The following TACC3 variants were observed in gnomAD, a reference collection of about 807,000 sequenced individuals.
TACC3 encodes the protein transforming acidic coiled-coil containing protein 3.
TACC3 carries 52 observed loss-of-function variants against 86.0 expected under a neutral mutation model. The ratio of observed to expected loss-of-function variants is 0.60; its 90% confidence interval spans 0.48 to 0.76. The LOEUF (loss-of-function observed/expected upper bound fraction) is 0.76, where lower values mean the gene tolerates loss of function less well. Ranked by LOEUF, TACC3 falls within the 30% of genes least tolerant of loss-of-function variation. The pLI, the probability that TACC3 is intolerant of heterozygous loss-of-function variation, is 0.00. For missense variants in TACC3, 1,120 were observed against 1,070.4 expected, an observed-to-expected ratio of 1.05 and a Z score of -0.65; for synonymous variants, 512 against 430.0, an observed-to-expected ratio of 1.19 and a Z score of -2.36.
chr4:1,744,869 C>T, intron 15 of TACC3, 37 bp downstream of exon 15: 1 of 1,612,660 alleles, frequency 6.2e-7, no homozygotes, highest in Non-Finnish European at 8.5e-7. Flanking sequence ...GGCCGTCTGG[C>T]AGCACCTTCT....
upstream of TACC3, chr4:1,720,806 G>A: frequency 6.3e-7 from 1 of 1,594,862 alleles, no homozygotes; most frequent in Non-Finnish European, 8.5e-7. This position sits in a 1 kb window ranked among gnomAD's most constrained non-coding sequence, Gnocchi z 4.4. Context: ...CACCAGATAG[G>A]CGAGAGTGAA....
rs1718241794 is a variant in TACC3 at position 1,735,938 on chromosome 4, G to A, written c.1748+104G>A. The A allele has an allele frequency of 2.4e-6, 2 of 830,778 alleles. No individual in the cohort carries two copies. The highest frequency in any genetic ancestry group is 3.8e-6 in the Non-Finnish European group (2 of 532,220). 51.5% of individuals were successfully genotyped at this position (830,778 alleles called of 1,614,324 possible). A position where few individuals can be genotyped will look rare whatever the true frequency, so the allele number is the denominator to read the frequency against. The stretch of plus-strand genomic sequence containing the variant: ...CACAGAGGCTTCTAGACCGGGGGGA[G>A]ATGATCAGAACTGGAAAGGAGCTGT... On this transcript the variant is annotated intron_variant, in intron 8 of 15. Coordinates refer to ENST00000313288, the MANE Select transcript of TACC3 (RefSeq NM_006342.3). The surrounding 1 kb of genome is among the most constrained non-coding windows in gnomAD (Gnocchi z 4.2).
chr4:1,737,311 G>A lies in TACC3; in HGVS notation c.1819G>A (p.Gly607Arg). 1 of 1,614,106 alleles carries A rather than the reference G, an allele frequency of 6.2e-7. No individual in the cohort carries two copies. Among genetic ancestry groups the A allele is most frequent in the Non-Finnish European group, 8.5e-7 (1 of 1,179,994 alleles). ...EAKLVEFDFL[G>R]ALDIPVPGPP... ...CAAGCTTGTGGAGTTCGATTTCTTGGGAGCACTGGACATTCCTGTAAGTCC... is the reference window on the plus strand; with the variant it reads ...CAAGCTTGTGGAGTTCGATTTCTTGAGAGCACTGGACATTCCTGTAAGTCC... The change falls in exon 9 of 16, where the codon GGA (glycine) becomes AGA (arginine). Residue 607 changes from glycine to arginine, a missense_variant. Gly to Arg is a moderately radical substitution (Grantham distance 125, BLOSUM62 -2). Coordinates refer to ENST00000313288, the MANE Select transcript of TACC3 (RefSeq NM_006342.3).
chr4:1,731,342 A>C, intron 6 of TACC3, 41 bp downstream of exon 6: 1 of 1,599,668 alleles, frequency 6.3e-7, no homozygotes, highest in Non-Finnish European at 8.5e-7. Context: ...GTCTGCCCGG[A>C]GGGGATCCCG....
chr4:1,728,068 A>G lies in TACC3; in HGVS notation c.666A>G (p.Glu222=), dbSNP rs200539908. 6.5e-7 allele frequency: 1 copy of G among 1,542,482 alleles called. No individual in the cohort carries two copies. The highest frequency in any genetic ancestry group is 1.3e-5 in the South Asian group (1 of 79,040). Reference sequence around the variant, plus strand: ...CGGAGACTCCGCACGGAGCCGAGGAAGAATGCAAAGCGGAGACTCCGCACG... The same window carrying G: ...CGGAGACTCCGCACGGAGCCGAGGAGGAATGCAAAGCGGAGACTCCGCACG... ...HKAETPHGAE[E]ECKAETPHGA... The change falls in exon 4 of 16, where the codon GAA becomes GAG. Residue 222 remains glutamate, a synonymous_variant. Coordinates refer to ENST00000313288, the MANE Select transcript of TACC3 (RefSeq NM_006342.3).
chr4:1,740,415 T>TGCTA, intron 12 of TACC3: 1 of 347,798 alleles, frequency 2.9e-6, no homozygotes, highest in South Asian at 3.8e-5. Context: ...CTCCTGGAGG[T>TGCTA]GCTACTGTGG....
rs373197822 is a variant in TACC3, at chr4:1,725,305, AC to A, written c.305+1440del. Among the ~76,000 whole-genome samples, 745 of 152,114 alleles carry A rather than the reference AC, an allele frequency of 4.9e-3. 6 individuals are homozygous for A. The highest frequency in any genetic ancestry group is 0.016 in the African/African-American group (684 of 41,496). ...GAACAGAATACCACTGATGCTTCTC[AC>A]CCCCTGAGATAAAATGTCACCAGTA... is the stretch of plus-strand genomic sequence containing the variant. On this transcript the variant is annotated intron_variant, in intron 3 of 15. Coordinates refer to ENST00000313288, the MANE Select transcript of TACC3 (RefSeq NM_006342.3).
intron 6 of TACC3, among the ~76,000 whole-genome samples, chr4:1,732,203 T>C (rs2108696855): frequency 6.6e-6 from 1 of 151,944 alleles, no homozygotes; most frequent in East Asian, 1.9e-4. Flanking sequence ...GATTGGAGGC[T>C]GCAGTTAAAT....
At position 1,735,982 on chromosome 4, in the gene TACC3, A is replaced by C. The variant is rs1255799085; in HGVS notation, c.1748+148A>C. The C allele has an allele frequency of 6.3e-6, 4 of 637,126 alleles. No homozygotes were observed. Among genetic ancestry groups the C allele is most frequent in the Non-Finnish European group, 1.1e-5 (4 of 374,180 alleles). The allele number at this position is 637,126 out of a possible 1,614,324, so 39.5% of individuals were successfully genotyped here. A position where few individuals can be genotyped will look rare whatever the true frequency, so the allele number is the denominator to read the frequency against. ...GAGCTGTGCTAGGGGTGGGCTGGGCAGCAAGGCCAGAGCAGCCCTTGTGTG... is the reference window on the plus strand; with the variant it reads ...GAGCTGTGCTAGGGGTGGGCTGGGCCGCAAGGCCAGAGCAGCCCTTGTGTG... On this transcript the variant is annotated intron_variant, in intron 8 of 15. Coordinates refer to ENST00000313288, the MANE Select transcript of TACC3 (RefSeq NM_006342.3). The surrounding 1 kb of genome is among the most constrained non-coding windows in gnomAD (Gnocchi z 4.2).
rs1717767998 is a variant in TACC3, at chr4:1,727,844, G to T, written c.442G>T (p.Ala148Ser). The T allele has an allele frequency of 1.9e-6, 3 of 1,613,324 alleles. No homozygotes were observed. Among genetic ancestry groups the T allele is most frequent in the Non-Finnish European group, 2.5e-6 (3 of 1,180,032 alleles). ...SGSSSESGPGALADLDCSSSS... is the reference protein window; with the variant it reads ...SGSSSESGPGSLADLDCSSSS... ...CAGCTCCAGCGAGTCTGGCCCAGGTGCCCTGGCTGACCTGGACTGCTCAAG... is the reference window on the plus strand; with the variant it reads ...CAGCTCCAGCGAGTCTGGCCCAGGTTCCCTGGCTGACCTGGACTGCTCAAG... Residue 148 changes from alanine to serine, a missense_variant, in exon 4 of 16, where the codon GCC becomes TCC. Transcript: ENST00000313288.
rs1368564554 is a variant in TACC3, at chr4:1,728,441, A to G, written c.1039A>G (p.Thr347Ala). 1 of 1,613,794 alleles carries G rather than the reference A, an allele frequency of 6.2e-7. No homozygotes were observed. The highest frequency in any genetic ancestry group is 8.5e-7 in the Non-Finnish European group (1 of 1,180,036). The change falls in exon 4 of 16, where the codon ACC becomes GCC. Residue 347 changes from threonine to alanine, a missense_variant. By Grantham distance (58) the Thr-to-Ala change is moderately conservative. Transcript: ENST00000313288. The part of the protein sequence containing the change: ...KLEFDVSDGA[T>A]SKRAPPPRRL... ...AGAATTTGATGTATCTGATGGCGCC[A>G]CCAGCAAAAGGGCACCCCCACCAAG...
At chr4:1,722,400 C>G (rs1717448538) in intron 1 of TACC3, among the ~76,000 whole-genome samples, 1 of 152,186 alleles carries the variant, frequency 6.6e-6, no homozygotes, top group South Asian at 2.1e-4. Flanking sequence ...GTCCGTAAGT[C>G]CCATATGTGC....
chr4:1,726,404 G>GA (rs1316502920), intron 3 of TACC3, among the ~76,000 whole-genome samples: 5 of 152,176 alleles, frequency 3.3e-5, no homozygotes, highest in Admixed American at 2.0e-4. Flanking sequence ...GATTCATGCA[G>GA]AAAACCTTTG....
chr4:1,736,148 G>A (rs1246624558), intron 8 of TACC3, among the ~76,000 whole-genome samples: 1 of 152,228 alleles, frequency 6.6e-6, no homozygotes, highest in African/African-American at 2.4e-5. Flanking sequence ...GGCAGGCCAG[G>A]CGCGGTGGCT....
rs1000807937 is a variant in TACC3, at chr4:1,721,623, C to T, written c.-22C>T. 1.4e-3 allele frequency: 215 copies of T among 152,416 alleles called. 1 individual carries two copies. The highest frequency in any genetic ancestry group is 1.3e-3 in the Non-Finnish European group (87 of 68,270). The allele number at this position is 152,416 out of a possible 1,614,324, so 9.4% of individuals were successfully genotyped here. On this transcript the variant is annotated 5_prime_UTR_variant, in exon 1 of 16. Transcript: ENST00000313288. The stretch of plus-strand genomic sequence containing the variant: ...GCGGCGGCGGCGCGGGCTCAGAGCC[C>T]GGCAACGGGCGGGCGGGCAGGTAGG...
At position 1,735,635 on chromosome 4, in the gene TACC3, G is replaced by C; in HGVS notation, c.1645-96G>C. On this transcript the variant is annotated intron_variant, in intron 7 of 15. Transcript: ENST00000313288. This position sits in a 1 kb window ranked among gnomAD's most constrained non-coding sequence, Gnocchi z 4.2. ...CGGGGGTGGGAGTGTGCGGGTGACC[G>C]GGGGTGGGAGTGTGCAGGTGACCTC... 1.0e-6 allele frequency: 1 copy of C among 972,588 alleles called. No individual in the cohort carries two copies. The highest frequency in any genetic ancestry group is 1.6e-6 in the Non-Finnish European group (1 of 613,786). The allele number at this position is 972,588 out of a possible 1,614,324, so 60.2% of individuals were successfully genotyped here. A position where few individuals can be genotyped will look rare whatever the true frequency, so the allele number is the denominator to read the frequency against.
chr4:1,725,988 A>G (rs1717668507), intron 3 of TACC3, among the ~76,000 whole-genome samples: 1 of 152,228 alleles, frequency 6.6e-6, no homozygotes, highest in Admixed American at 6.5e-5. Flanking sequence ...GAGTTGGAAG[A>G]GAAGGGCAGG....
At chr4:1,730,644 G>C (rs1437455317) in intron 4 of TACC3, 13 of 649,262 alleles carry the variant, frequency 2.0e-5, no homozygotes, top group Non-Finnish European at 3.7e-5. Context: ...TGACTTTAGA[G>C]CTCCCAGCCT....
intron 10 of TACC3, chr4:1,739,456 C>T (rs1718454701): frequency 1.8e-6 from 1 of 567,776 alleles, no homozygotes; most frequent in African/African-American, 1.9e-5. Context: ...TGGGTGCCTG[C>T]TGGTTCCACC....
Sources: gnomAD v4.1 joint callset for allele counts (sites outside exome capture counted in the v4.1 genomes callset) on GRCh38, gnomAD v4.1.1 for gene constraint, Gnocchi (gnomAD v3.1) non-coding constraint, MANE v1.5 for transcripts, NCBI Gene and HGNC (gene_info 2026-07-23, HGNC 2026-07-21) for gene names.